PRKCSH: variants seen among roughly 807,000 people sequenced by gnomAD.
PRKCSH encodes the protein PRKCSH beta subunit of glucosidase II.
PRKCSH carries 42 observed loss-of-function variants against 79.7 expected under a neutral mutation model. The ratio of observed to expected loss-of-function variants is 0.53; its 90% CI spans 0.41 to 0.68. The LOEUF (loss-of-function observed/expected upper bound fraction) is 0.68, where lower values mean the gene tolerates loss of function less well. Among genes scored for constraint, PRKCSH ranks in the 30% least tolerant of loss-of-function variants. PRKCSH has a pLI of 0.00. For missense variants in PRKCSH, 686 were observed against 709.0 expected, an observed-to-expected ratio of 0.97 and a Z score of 0.37; for synonymous variants, 325 against 288.2, an observed-to-expected ratio of 1.13 and a Z score of -1.29.
intron 8 of PRKCSH, 158 bp downstream of exon 8, chr19:11,445,631 G>C (rs1219019650): frequency 1.3e-6 from 1 of 741,004 alleles, no homozygotes; most frequent in Non-Finnish European, 2.3e-6. Context: ...TCTTACTCGT[G>C]GATGGCCAGG....
In PRKCSH at chr19:11,448,047, TG is replaced by T. The variant is rs1970404880; in HGVS notation, c.1127-172del. The T allele has an allele frequency of 1.3e-6, 1 of 792,076 alleles. No individual in the cohort carries two copies. The highest frequency in any genetic ancestry group is 1.7e-5 in the African/African-American group (1 of 58,048). The allele number at this position is 792,076 out of a possible 1,614,324, so 49.1% of individuals were successfully genotyped here. A position where few individuals can be genotyped will look rare whatever the true frequency, so the allele number is the denominator to read the frequency against. On this transcript the variant is annotated intron_variant, in intron 12 of 17. Transcript: ENST00000677123. This position sits in a 1 kb window ranked among gnomAD's most constrained non-coding sequence, Gnocchi z 4.4. Reference sequence around the variant, plus strand: ...CCCACTCGCTCAGGAGCTGGGAGCCTGGGCAGCAAGTCGGGGCTGCTCTATA... The same window carrying T: ...CCCACTCGCTCAGGAGCTGGGAGCCTGGCAGCAAGTCGGGGCTGCTCTATA...
intron 5 of PRKCSH, among the ~76,000 whole-genome samples, chr19:11,438,909 A>G (rs889475319): frequency 6.6e-6 from 1 of 151,386 alleles, no homozygotes. Context: ...ATTTATTTTT[A>G]TTTATTTATA....
chr19:11,447,902 A>G lies in PRKCSH; in HGVS notation c.1126+113A>G, dbSNP rs1453178076. The G allele has an allele frequency of 1.6e-6, 2 of 1,266,236 alleles. No homozygotes were observed. The highest frequency in any genetic ancestry group is 2.2e-6 in the Non-Finnish European group (2 of 927,304). 78.4% of individuals were successfully genotyped at this position (1,266,236 alleles called of 1,614,324 possible). On this transcript the variant is annotated intron_variant, in intron 12 of 17. Transcript: ENST00000677123. This position sits in a 1 kb window ranked among gnomAD's most constrained non-coding sequence, Gnocchi z 5.6. ...ACCCTGCTCTGACTCGGCCAGCACA[A>G]GCCCCAGTATCTTGGGGAGTCCAGG...
rs1428439295 is a variant in PRKCSH at position 11,446,361 on chromosome 19, C to G, written c.762+11C>G. On this transcript the variant is annotated intron_variant, in intron 9 of 17. Transcript: ENST00000677123. ...GAAGCGGAAGCTCAGGTACCCCCGG[C>G]TGCCCCTTGGTTGGGGACTTCTAGG... 6.2e-7 allele frequency: 1 copy of G among 1,611,184 alleles called. No individual in the cohort carries two copies. Among genetic ancestry groups the G allele is most frequent in the African/African-American group, 1.3e-5 (1 of 74,866 alleles).
At chr19:11,440,570 C>T (rs1003112219) in intron 5 of PRKCSH, among the ~76,000 whole-genome samples, 3 of 152,030 alleles carry the variant, frequency 2.0e-5, no homozygotes, top group Admixed American at 1.3e-4. Flanking sequence ...CTCAGCCTCC[C>T]GTGTAGCTGG....
At chr19:11,436,659 A>C in intron 3 of PRKCSH, 154 bp downstream of exon 3, 1 of 699,560 alleles carries the variant, frequency 1.4e-6, no homozygotes, top group Admixed American at 2.1e-5. Context: ...GGCCCCGGGC[A>C]GCTGGAGGAG....
At chr19:11,446,971 G>T (rs549155773) in intron 9 of PRKCSH, 103 bp from the exon 10 acceptor site, 3 of 1,272,704 alleles carry the variant, frequency 2.4e-6, no homozygotes, top group African/African-American at 2.9e-5. Flanking sequence ...CAGGGCCCGG[G>T]GCCCAGCCCT....
Position 11,438,138 on chromosome 19 carries a change from A to T in PRKCSH, c.350+14A>T. ...GAACACCTGCAAGTACGTGGGTGAC[A>T]GTACCCCTCCCATCACCCCACCCCA... is the stretch of plus-strand genomic sequence containing the variant. On this transcript the variant is annotated intron_variant, in intron 5 of 17. Coordinates refer to ENST00000677123, the MANE Select transcript of PRKCSH (RefSeq NM_001289104.2). 1 of 1,613,734 alleles carries T rather than the reference A, an allele frequency of 6.2e-7. No homozygotes were observed. Among genetic ancestry groups the T allele is most frequent in the South Asian group, 1.1e-5 (1 of 91,022 alleles).
chr19:11,447,119 G>A lies in PRKCSH; in HGVS notation c.808G>A (p.Asp270Asn), dbSNP rs757172846. 10 of 1,613,882 alleles carry A rather than the reference G, an allele frequency of 6.2e-6. No individual in the cohort carries two copies. Among genetic ancestry groups the A allele is most frequent in the East Asian group, 2.2e-5 (1 of 44,854 alleles). ...DTQTDATSFY[D>N]RVWAAIRDKY... ...ACAGACAGACGCCACCTCTTTCTAC[G>A]ACCGCGTCTGGGCCGCCATCAGGGA... The change falls in exon 10 of 18, where the codon GAC becomes AAC. Residue 270 changes from aspartate to asparagine, a missense_variant. Physicochemically the swap from Asp to Asn is conservative, Grantham distance 23 (BLOSUM62 1). Transcript: ENST00000677123. The surrounding 1 kb of genome is among the most constrained non-coding windows in gnomAD (Gnocchi z 5.6).
intron 1 of PRKCSH, 81 bp downstream of exon 1, chr19:11,435,787 G>T: frequency 1.4e-6 from 2 of 1,409,800 alleles, no homozygotes; most frequent in Non-Finnish European, 1.9e-6. Context: ...GGTGTGGACG[G>T]CGGAGGCTGT....
intron 9 of PRKCSH, 141 bp from the exon 10 acceptor site, chr19:11,446,933 C>A: frequency 1.2e-6 from 1 of 845,310 alleles, no homozygotes; most frequent in Non-Finnish European, 2.0e-6. Flanking sequence ...GCCGCAGTGC[C>A]TCACTGGCGT....
rs139467287 is a variant in PRKCSH, at chr19:11,440,050, A to G, written c.351-1190A>G. The stretch of plus-strand genomic sequence containing the variant: ...CAGTGAGCTAAAAAGTAAAAAAAAA[A>G]CAAAAAAAACACAAAGTCCTATCAG... On this transcript the variant is annotated intron_variant, in intron 5 of 17. Transcript: ENST00000677123. Among the ~76,000 whole-genome samples the G allele has an allele frequency of 5.6e-3, 847 of 152,030 alleles. 9 individuals are homozygous for G. The highest frequency in any genetic ancestry group is 0.013 in the South Asian group (64 of 4,812).
rs1031067243 is a variant in PRKCSH, at chr19:11,447,934, G to T, written c.1126+145G>T. The T allele has an allele frequency of 1.9e-6, 2 of 1,054,342 alleles. No homozygotes were observed. Among genetic ancestry groups the T allele is most frequent in the Admixed American group, 2.8e-5 (1 of 35,732 alleles). 65.3% of individuals were successfully genotyped at this position (1,054,342 alleles called of 1,614,324 possible). On this transcript the variant is annotated intron_variant, in intron 12 of 17. Transcript: ENST00000677123. The surrounding 1 kb of genome is among the most constrained non-coding windows in gnomAD (Gnocchi z 5.6). ...GTATCTTGGGGAGTCCAGGAAGGGG[G>T]CCTAGGGTAAGCCAGTCCCACCCTC...
chr19:11,446,590 TC>T (rs1970313753), intron 9 of PRKCSH, among the ~76,000 whole-genome samples: 1 of 136,594 alleles, frequency 7.3e-6, no homozygotes, highest in Non-Finnish European at 1.6e-5. Context: ...GAGCACCCAA[TC>T]CCCTTCCTCC....
intron 7 of PRKCSH, among the ~76,000 whole-genome samples, chr19:11,444,203 G>A (rs1481751267): frequency 2.0e-5 from 3 of 152,192 alleles, no homozygotes; most frequent in African/African-American, 4.8e-5. Flanking sequence ...CTGAATCTTT[G>A]TCGTGTTGCA....
chr19:11,435,794 C>G, intron 1 of PRKCSH, 88 bp downstream of exon 1: 1 of 1,411,128 alleles, frequency 7.1e-7, no homozygotes, highest in Non-Finnish European at 9.4e-7. Context: ...ACGGCGGAGG[C>G]TGTTAATCCC....
In PRKCSH at chr19:11,436,515, TTC is replaced by T. The variant is rs1969754003; in HGVS notation, c.196+14_196+15del. ...GGCTCTGACGAGCCAGGTGAGCCTT[TTC>T]TCTGTTCATCCATCAGATGTTTATT... is the stretch of plus-strand genomic sequence containing the variant. On this transcript the variant is annotated intron_variant, in intron 3 of 17. Transcript: ENST00000677123. 6.3e-7 allele frequency: 1 copy of T among 1,593,852 alleles called. No homozygotes were observed. Among genetic ancestry groups the T allele is most frequent in the South Asian group, 1.1e-5 (1 of 90,192 alleles).
chr19:11,435,789 G>A (rs1197420650), intron 1 of PRKCSH, 83 bp downstream of exon 1: 3 of 1,410,994 alleles, frequency 2.1e-6, no homozygotes, highest in South Asian at 2.5e-5. Context: ...TGTGGACGGC[G>A]GAGGCTGTTA....
At chr19:11,445,742 G>A (rs1403487169) in intron 8 of PRKCSH, 13 of 542,804 alleles carry the variant, frequency 2.4e-5, no homozygotes, top group East Asian at 1.9e-4. Context: ...TCTAGTGATC[G>A]GATGGCTTTT....
Sources: gnomAD v4.1 joint callset for allele counts (sites outside exome capture counted in the v4.1 genomes callset) on GRCh38, gnomAD v4.1.1 for gene constraint, Gnocchi (gnomAD v3.1) non-coding constraint, MANE v1.5 for transcripts, NCBI Gene and HGNC (gene_info 2026-07-23, HGNC 2026-07-21) for gene names.